Variants in ZNF469 observed in about 807,000 individuals in gnomAD.
The protein encoded by ZNF469 is zinc finger protein 469.
ZNF469 carries 1 observed loss-of-function variant against 1.0 expected under a neutral mutation model. That is an observed-to-expected ratio of 1.00 (90% CI 0.35 to 4.73). The LOEUF is 4.73. Ranked by LOEUF, ZNF469 falls within the 30% of genes most tolerant of loss-of-function variation. ZNF469 has a pLI of 0.16. For missense variants in ZNF469, 6,100 were observed against 5,356.3 expected (o/e 1.14, Z -4.33); for synonymous variants, 2,703 against 2,363.4 (o/e 1.14, Z -4.17).
chr16:88,374,717 C>CGTGTGCGGTGGGCTG, the ZNF469 span, among the ~76,000 whole-genome samples: 2 of 152,176 alleles, frequency 1.3e-5, no homozygotes, highest in African/African-American at 4.8e-5. Context: ...AGCTCAGCAC[C>CGTGTGCGGTGGGCTG]ATGTGCGGTG....
At chr16:88,279,266 A>T in the ZNF469 span, among the ~76,000 whole-genome samples, 1 of 151,736 alleles carries the variant, frequency 6.6e-6, no homozygotes, top group African/African-American at 2.4e-5. Flanking sequence ...ATGCTCGGTC[A>T]GTACCGTGTA....
At chr16:88,267,568 C>A in the ZNF469 span, among the ~76,000 whole-genome samples, 72 of 152,172 alleles carry the variant, frequency 4.7e-4, 1 homozygote, top group Non-Finnish European at 1.3e-4. Flanking sequence ...GAGCTGAGTC[C>A]CTTTCGGTTC....
chr16:88,405,026 G>C (rs1043071829), intron 1 of ZNF469, among the ~76,000 whole-genome samples: 1 of 152,166 alleles, frequency 6.6e-6, no homozygotes, highest in African/African-American at 2.4e-5. Flanking sequence ...AGTCTAACAG[G>C]GCGGGGAGGG....
Position 88,427,995 on chromosome 16 carries a change from C to T in ZNF469, c.525C>T (p.Ala175=), listed in dbSNP as rs773666313. The change falls in exon 3 of 3, where the codon GCC becomes GCT. Residue 175 remains alanine (A), a synonymous_variant. Transcript: ENST00000565624. The stretch of plus-strand genomic sequence containing the variant: ...CAAGGACTGAGGCCCAACCCGCCGC[C>T]GAAGAGCTTGGCTTCCACAGGTGCT... The part of the protein sequence containing the change: ...GLPRTEAQPA[A]EELGFHRCFQ... 28 of 1,549,922 alleles carry T rather than the reference C, an allele frequency of 1.8e-5. No homozygotes were observed. The African/African-American group carries it at 3.0e-4, about 17-fold the overall frequency.
chr16:88,344,491 A>C, the ZNF469 span, among the ~76,000 whole-genome samples: 5 of 152,352 alleles, frequency 3.3e-5, no homozygotes, highest in South Asian at 2.1e-4. Context: ...AGTGCTGGGC[A>C]CAGGGCCTGA....
intron 1 of ZNF469, among the ~76,000 whole-genome samples, chr16:88,411,673 C>T (rs992336520): frequency 1.3e-5 from 2 of 152,070 alleles, no homozygotes; most frequent in Non-Finnish European, 2.9e-5. Flanking sequence ...GGGCAGGAGA[C>T]GGCGGTGGCC....
At chr16:88,210,082 C>T in the ZNF469 span, among the ~76,000 whole-genome samples, 1 of 152,218 alleles carries the variant, frequency 6.6e-6, no homozygotes, top group South Asian at 2.1e-4. Context: ...TACATTGTTG[C>T]AGTCTGAGAG....
At chr16:88,141,718 C>T in the ZNF469 span, among the ~76,000 whole-genome samples, 12 of 152,124 alleles carry the variant, frequency 7.9e-5, no homozygotes, top group African/African-American at 1.7e-4. Context: ...AGGAGGGAGG[C>T]GGGAGGCCAG....
the ZNF469 span, among the ~76,000 whole-genome samples, chr16:88,170,928 A>T: frequency 6.6e-6 from 1 of 152,178 alleles, no homozygotes; most frequent in East Asian, 1.9e-4. This position sits in a 1 kb window ranked among gnomAD's most constrained non-coding sequence, Gnocchi z 4.2. Flanking sequence ...AGCGGGGGAC[A>T]GCAGACTTCC....
At chr16:88,354,932 G>A in the ZNF469 span, among the ~76,000 whole-genome samples, 1 of 152,192 alleles carries the variant, frequency 6.6e-6, no homozygotes, top group East Asian at 1.9e-4. Context: ...GTCTCCAGTG[G>A]GGGCAGGGGG....
chr16:88,405,407 C>G (rs978839622), intron 1 of ZNF469, among the ~76,000 whole-genome samples: 5 of 152,330 alleles, frequency 3.3e-5, no homozygotes, highest in Non-Finnish European at 5.9e-5. Context: ...CGTGGTGCCT[C>G]CCGGCAACAG....
the ZNF469 span, among the ~76,000 whole-genome samples, chr16:88,216,641 C>T: frequency 2.0e-5 from 3 of 152,184 alleles, no homozygotes; most frequent in African/African-American, 7.2e-5. Flanking sequence ...TGGAAGTCTT[C>T]ATATGATGTA....
chr16:88,209,674 T>G, the ZNF469 span, among the ~76,000 whole-genome samples: 119 of 152,326 alleles, frequency 7.8e-4, no homozygotes, highest in African/African-American at 2.8e-3. Context: ...AGATAGTCTT[T>G]TACATTATTT....
the ZNF469 span, among the ~76,000 whole-genome samples, chr16:88,312,548 A>G: frequency 1.3e-5 from 2 of 152,330 alleles, no homozygotes; most frequent in East Asian, 3.9e-4. Flanking sequence ...ATGTGGTCAC[A>G]TATACCCACC....
chr16:88,404,833 G>A (rs1904982444), intron 1 of ZNF469, among the ~76,000 whole-genome samples: 1 of 152,176 alleles, frequency 6.6e-6, no homozygotes, highest in Non-Finnish European at 1.5e-5. Context: ...CACCCAACTG[G>A]GTCACCCGTG....
the ZNF469 span, among the ~76,000 whole-genome samples, chr16:88,193,048 A>ATGG: frequency 2.6e-5 from 1 of 38,528 alleles, no homozygotes; most frequent in South Asian, 8.5e-4. Context: ...GGTGGTGGTG[A>ATGG]TGATGGTGAT....
the ZNF469 span, among the ~76,000 whole-genome samples, chr16:88,336,780 A>T: frequency 3.3e-5 from 5 of 152,216 alleles, no homozygotes; most frequent in South Asian, 1.0e-3. Flanking sequence ...TGCATTCACA[A>T]AGTTATGCGA....
chr16:88,130,503 C>T, the ZNF469 span, among the ~76,000 whole-genome samples: 3 of 151,894 alleles, frequency 2.0e-5, no homozygotes, highest in Non-Finnish European at 2.9e-5. Context: ...GTCAGGAGTT[C>T]GAGACCAGCC....
chr16:88,259,262 C>A, the ZNF469 span, among the ~76,000 whole-genome samples: 1,692 of 147,192 alleles, frequency 0.011, 28 homozygotes, highest in African/African-American at 0.039. This position sits in a 1 kb window ranked among gnomAD's most constrained non-coding sequence, Gnocchi z 4.1. Flanking sequence ...CCCCGCCCCC[C>A]CGAAGCGGGC....
Sources: gnomAD v4.1 joint callset for allele counts (sites outside exome capture counted in the v4.1 genomes callset) on GRCh38, gnomAD v4.1.1 for gene constraint, Gnocchi (gnomAD v3.1) non-coding constraint, MANE v1.5 for transcripts, NCBI Gene and HGNC (gene_info 2026-07-23, HGNC 2026-07-21) for gene names.